FAM193A: variants seen among roughly 807,000 people sequenced by gnomAD.
FAM193A encodes family with sequence similarity 193 member A.
FAM193A carries 22 observed loss-of-function variants against 126.5 expected under a neutral mutation model. The observed-to-expected ratio is 0.17, with a 90% CI of 0.12 to 0.25. FAM193A has a LOEUF of 0.25. Ranked by LOEUF, FAM193A falls within the 10% of genes least tolerant of loss-of-function variation. FAM193A has a pLI of 1.00. For missense variants in FAM193A, 1,675 were observed against 1,672.8 expected, an observed-to-expected ratio of 1.00 and a Z score of -0.02; for synonymous variants, 761 against 646.8, an observed-to-expected ratio of 1.18 and a Z score of -2.68.
At chr4:2,570,937 A>G (rs117645008) in intron 1 of FAM193A, among the ~76,000 whole-genome samples, 1 of 152,094 alleles carries the variant, frequency 6.6e-6, no homozygotes, top group African/African-American at 2.4e-5. Context: ...TCTGCCGTAC[A>G]CTTCCTCCCC....
intron 1 of FAM193A, among the ~76,000 whole-genome samples, chr4:2,559,938 C>T (rs948337300): frequency 1.3e-5 from 2 of 151,848 alleles, no homozygotes; most frequent in African/African-American, 4.8e-5. Context: ...CGCCTTTGTG[C>T]ACGCTTTTCT....
chr4:2,689,806 G>T (rs1716152451), intron 14 of FAM193A, 102 bp downstream of exon 14: 2 of 783,696 alleles, frequency 2.6e-6, no homozygotes, highest in African/African-American at 1.8e-5. Flanking sequence ...GCTGTAGCCA[G>T]CTGCTGCTCC....
chr4:2,599,956 G>A (rs563513108), intron 2 of FAM193A, among the ~76,000 whole-genome samples: 5 of 151,498 alleles, frequency 3.3e-5, no homozygotes, highest in Admixed American at 2.0e-4. Flanking sequence ...CTGGAATGCA[G>A]TGGTGCGATG....
intron 1 of FAM193A, among the ~76,000 whole-genome samples, chr4:2,580,050 A>G (rs1359422326): frequency 6.6e-6 from 1 of 152,230 alleles, no homozygotes; most frequent in East Asian, 1.9e-4. Context: ...AATGATAGAT[A>G]GATTGCATAA....
At chr4:2,717,927 T>C (rs1424102248) in intron 20 of FAM193A, among the ~76,000 whole-genome samples, 1 of 152,108 alleles carries the variant, frequency 6.6e-6, no homozygotes, top group Non-Finnish European at 1.5e-5. Flanking sequence ...AGTCCTGGGA[T>C]TACAGGTGTG....
chr4:2,672,329 T>G lies in FAM193A; in HGVS notation c.2288T>G (p.Ile763Ser), dbSNP rs141153097. The change falls in exon 13 of 21, where the codon ATC becomes AGC. Residue 763 changes from isoleucine (I) to serine (S), a missense_variant. Physicochemically the swap from Ile to Ser is moderately radical, Grantham distance 142. Transcript: ENST00000637812. The stretch of plus-strand genomic sequence containing the variant: ...GTTCCACACCTGCCACGCCCTCTCA[T>G]CCACCCCACCTTGTATGCAACGCCC... The part of the protein sequence containing the change: ...HTVPHLPRPL[I>S]HPTLYATPPF... 15 of 1,614,002 alleles carry G rather than the reference T, an allele frequency of 9.3e-6. No homozygotes were observed. In the African/African-American group the frequency reaches 2.0e-4, roughly 22 times the overall value.
In FAM193A at chr4:2,544,727, G is replaced by A. The variant is rs1578562146; in HGVS notation, c.255+7557G>A. Among the ~76,000 whole-genome samples, 6 of 151,930 alleles carry A rather than the reference G, an allele frequency of 3.9e-5. 2 individuals are homozygous for A. Among genetic ancestry groups the A allele is most frequent in the Admixed American group, 3.9e-4 (6 of 15,216 alleles). ...TCTGAAAGAAAAAAAGAATTAGCCT[G>A]GTGTGGTGGTGTATACCTGTAATCC... On this transcript the variant is annotated intron_variant, in intron 1 of 20. Transcript: ENST00000637812.
chr4:2,709,725 C>A (rs1718704676), intron 19 of FAM193A, among the ~76,000 whole-genome samples: 1 of 151,744 alleles, frequency 6.6e-6, no homozygotes, highest in Non-Finnish European at 1.5e-5. Flanking sequence ...CAAAACAAAA[C>A]AAAACACAGG....
At chr4:2,583,452 T>C (rs371878147) in intron 1 of FAM193A, among the ~76,000 whole-genome samples, 2 of 152,144 alleles carry the variant, frequency 1.3e-5, no homozygotes, top group East Asian at 1.9e-4. Context: ...ATTAGGACTT[T>C]TGTTTCTGAG....
Position 2,657,795 on chromosome 4 carries a change from C to T in FAM193A, c.1312-8C>T, listed in dbSNP as rs780793947. 1.9e-6 allele frequency: 3 copies of T among 1,599,036 alleles called. No homozygotes were observed. The highest frequency in any genetic ancestry group is 2.3e-5 in the South Asian group (2 of 88,066). On this transcript the variant is annotated splice_polypyrimidine_tract_variant and splice_region_variant and intron_variant, in intron 7 of 20. Transcript: ENST00000637812. Reference sequence around the variant, plus strand: ...CTTTTTTTTCTGTTTTTTACATCCCCTTACTAGATGACAATGAAAACCAAG... The same window carrying T: ...CTTTTTTTTCTGTTTTTTACATCCCTTTACTAGATGACAATGAAAACCAAG...
At chr4:2,590,428 G>T (rs1740463878) in intron 1 of FAM193A, among the ~76,000 whole-genome samples, 1 of 111,266 alleles carries the variant, frequency 9.0e-6, no homozygotes, top group African/African-American at 3.1e-5. Context: ...TGGCGCCACT[G>T]CATTCCAGCC....
intron 7 of FAM193A, among the ~76,000 whole-genome samples, chr4:2,650,051 C>G (rs1745513853): frequency 6.6e-6 from 1 of 152,140 alleles, no homozygotes; most frequent in Admixed American, 6.5e-5. Flanking sequence ...CTCCCATCAC[C>G]CCTAGATGGG....
intron 7 of FAM193A, among the ~76,000 whole-genome samples, chr4:2,653,644 C>T (rs892713796): frequency 3.9e-5 from 6 of 152,084 alleles, no homozygotes; most frequent in African/African-American, 1.4e-4. Context: ...AGGTTTCACC[C>T]TGTTGGCCAG....
chr4:2,688,643 G>A (rs1255240673), intron 13 of FAM193A, among the ~76,000 whole-genome samples: 2 of 152,246 alleles, frequency 1.3e-5, no homozygotes, highest in African/African-American at 4.8e-5. Flanking sequence ...GAGCAGGGGA[G>A]TGACATGCTC....
At chr4:2,705,007 G>T (rs1230676090) in intron 19 of FAM193A, among the ~76,000 whole-genome samples, 1 of 152,146 alleles carries the variant, frequency 6.6e-6, no homozygotes, top group South Asian at 2.1e-4. Flanking sequence ...CGCCTCCGGG[G>T]GTCACGCCAT....
chr4:2,715,624 G>T, intron 19 of FAM193A: 1 of 534,708 alleles, frequency 1.9e-6, no homozygotes, highest in Non-Finnish European at 2.5e-6. Context: ...TCTGCTGGCA[G>T]CTGTGCTCTG....
At chr4:2,717,754 G>GAAA (rs33968148) in intron 20 of FAM193A, among the ~76,000 whole-genome samples, 1 of 137,130 alleles carries the variant, frequency 7.3e-6, no homozygotes, top group Non-Finnish European at 1.6e-5. Flanking sequence ...GACCCTGTCT[G>GAAA]AAAAAAAAAA....
At chr4:2,636,087 C>T (rs183701100) in intron 5 of FAM193A, among the ~76,000 whole-genome samples, 4 of 148,948 alleles carry the variant, frequency 2.7e-5, no homozygotes, top group South Asian at 2.1e-4. Flanking sequence ...CTCACTCTGT[C>T]TCAAAAAAAA....
intron 7 of FAM193A, chr4:2,654,752 T>C (rs1372415812): frequency 9.8e-6 from 2 of 203,928 alleles, no homozygotes; most frequent in Non-Finnish European, 9.8e-6. Flanking sequence ...TTTAAAAATA[T>C]ATTGTATTAT....
Sources: allele counts gnomAD v4.1 joint callset (sites outside exome capture counted in the v4.1 genomes callset), GRCh38; gene constraint gnomAD v4.1.1; transcripts MANE v1.5; gene names NCBI Gene and HGNC (gene_info 2026-07-23, HGNC 2026-07-21).